Variants in CDH2 observed in about 807,000 individuals in gnomAD.
The protein encoded by CDH2 is cadherin-2.
In CDH2, 17 loss-of-function variants were observed where a neutral mutation model predicts 92.0. The observed-to-expected ratio is 0.18, with a 90% confidence interval of 0.13 to 0.28. The LOEUF is 0.28. Ranked by LOEUF, CDH2 falls within the 10% of genes least tolerant of loss-of-function variation. The pLI is 1.00. For synonymous variants in CDH2, 419 were observed against 415.9 expected (o/e 1.01, Z -0.09); for missense variants, 862 against 1,133.1 (o/e 0.76, Z 3.44).
At chr18:27,937,103 G>T (rs771104138) in intron 6 of CDH2, among the ~76,000 whole-genome samples, 5 of 151,918 alleles carry the variant, frequency 3.3e-5, no homozygotes, top group Non-Finnish European at 7.4e-5. Flanking sequence ...TCTCTTTTCT[G>T]GGAACATTAA....
intron 2 of CDH2, among the ~76,000 whole-genome samples, chr18:28,127,383 A>G (rs1598493504): frequency 6.6e-6 from 1 of 152,122 alleles, no homozygotes; most frequent in Non-Finnish European, 1.5e-5. Flanking sequence ...AAATTTTCCA[A>G]TTCTGTTAGC....
intron 15 of CDH2, among the ~76,000 whole-genome samples, chr18:27,956,685 G>T (rs371578141): frequency 3.3e-5 from 5 of 152,082 alleles, no homozygotes; most frequent in African/African-American, 1.2e-4. Flanking sequence ...TATCACTCCC[G>T]CAAGTAAGAC....
chr18:28,032,328 G>C (rs1308835143), intron 2 of CDH2, among the ~76,000 whole-genome samples: 1 of 152,102 alleles, frequency 6.6e-6, no homozygotes, highest in Non-Finnish European at 1.5e-5. Flanking sequence ...TGTGGGCTCA[G>C]CATCTGAACC....
chr18:28,097,745 C>T (rs1439097333), intron 2 of CDH2, among the ~76,000 whole-genome samples: 1 of 152,078 alleles, frequency 6.6e-6, no homozygotes, highest in Non-Finnish European at 1.5e-5. Context: ...TGGAACCAAT[C>T]CTCTGAGAAT....
chr18:27,948,957 C>T (rs1188361651), downstream of CDH2, among the ~76,000 whole-genome samples: 3 of 151,682 alleles, frequency 2.0e-5, no homozygotes, highest in Non-Finnish European at 4.4e-5. Flanking sequence ...TTTTTATTAG[C>T]AATATTGCAG....
At chr18:28,098,877 A>C (rs1223308256) in intron 2 of CDH2, among the ~76,000 whole-genome samples, 1 of 152,128 alleles carries the variant, frequency 6.6e-6, no homozygotes, top group Non-Finnish European at 1.5e-5. Flanking sequence ...TGCTATGTAC[A>C]TTAATTGGGG....
At chr18:28,053,976 C>T (rs989212346) in intron 2 of CDH2, among the ~76,000 whole-genome samples, 2 of 152,050 alleles carry the variant, frequency 1.3e-5, no homozygotes, top group African/African-American at 4.8e-5. Context: ...GTTTCTGAAT[C>T]CAGGGTTAGT....
At chr18:28,089,115 C>A (rs1233039148) in intron 2 of CDH2, among the ~76,000 whole-genome samples, 1 of 152,114 alleles carries the variant, frequency 6.6e-6, no homozygotes, top group African/African-American at 2.4e-5. Context: ...AGTACGTCTC[C>A]TTTACATGTC....
intron 2 of CDH2, among the ~76,000 whole-genome samples, chr18:28,127,390 T>G (rs1283640606): frequency 6.6e-6 from 1 of 152,172 alleles, no homozygotes; most frequent in Non-Finnish European, 1.5e-5. Context: ...CCAATTCTGT[T>G]AGCCATAGTG....
At chr18:27,962,749 TAATA>T (rs1029843376) in intron 15 of CDH2, among the ~76,000 whole-genome samples, 2 of 152,252 alleles carry the variant, frequency 1.3e-5, no homozygotes, top group Non-Finnish European at 2.9e-5. Context: ...TCTTGGTCAG[TAATA>T]AAGAATGTCA....
At chr18:28,008,046 T>C (rs2144024329) in intron 5 of CDH2, among the ~76,000 whole-genome samples, 1 of 152,276 alleles carries the variant, frequency 6.6e-6, no homozygotes, top group East Asian at 1.9e-4. Flanking sequence ...TATTGCTCTT[T>C]TAATGTGCAA....
At chr18:28,085,350 C>A (rs1189441006) in intron 2 of CDH2, among the ~76,000 whole-genome samples, 1 of 152,080 alleles carries the variant, frequency 6.6e-6, no homozygotes, top group Non-Finnish European at 1.5e-5. Context: ...TGAGAAAAGA[C>A]ACTTCCCTAG....
intron 1 of CDH2, among the ~76,000 whole-genome samples, chr18:28,163,515 T>C (rs980773453): frequency 9.8e-5 from 15 of 152,312 alleles, no homozygotes; most frequent in African/African-American, 3.4e-4. Flanking sequence ...CATATAAAGT[T>C]TGGGGAACAC....
In CDH2 at chr18:27,999,673, T is replaced by C. The variant is rs868622053; in HGVS notation, c.1020+3324A>G. The stretch of plus-strand genomic sequence containing the variant: ...TTAAATTTATATATATATACATATA[T>C]ACATATATATATGTGTGTGTGTGTA... On this transcript the variant is annotated intron_variant, in intron 7 of 15. Coordinates refer to ENST00000269141, the MANE Select transcript of CDH2 (RefSeq NM_001792.5). 3.3e-5 allele frequency among the ~76,000 whole-genome samples: 5 copies of C among 150,908 alleles called. No homozygotes were observed. The South Asian group carries it at 1.0e-3, about 31-fold the overall frequency.
chr18:28,098,604 T>C (rs1448567082), intron 2 of CDH2, among the ~76,000 whole-genome samples: 1 of 152,120 alleles, frequency 6.6e-6, no homozygotes, highest in African/African-American at 2.4e-5. Flanking sequence ...GTGAGGCACA[T>C]CCAGCCTTCC....
At chr18:27,979,177 G>A (rs551597930) in intron 14 of CDH2, among the ~76,000 whole-genome samples, 7 of 152,050 alleles carry the variant, frequency 4.6e-5, no homozygotes, top group South Asian at 2.1e-4. Flanking sequence ...AAAAAGACAG[G>A]CAACCCAATA....
In CDH2 at chr18:27,955,761, GT is replaced by G. The variant is rs5823568; in HGVS notation, c.2515-3403del. On this transcript the variant is annotated intron_variant, in intron 15 of 15. Transcript: ENST00000269141. ...ACAAATCTCTGTTTTCTTTATTTCT[GT>G]TTTTTTTTTTTTTTTTTTAAAGAGG... Among the ~76,000 whole-genome samples the G allele has an allele frequency of 9.2e-4, 103 of 111,710 alleles. 1 individual carries two copies. The highest frequency in any genetic ancestry group is 3.5e-3 in the African/African-American group (97 of 28,110). The allele number at this position is 111,710 out of a possible 152,430, so 73.3% of individuals were successfully genotyped here.
chr18:28,089,182 A>G (rs1044506543), intron 2 of CDH2, among the ~76,000 whole-genome samples: 18 of 152,144 alleles, frequency 1.2e-4, no homozygotes, highest in Non-Finnish European at 2.1e-4. Context: ...ATATACAGAA[A>G]CTTCAGAAAA....
At chr18:28,025,627 CAT>C (rs1222592489) in intron 2 of CDH2, among the ~76,000 whole-genome samples, 1 of 151,200 alleles carries the variant, frequency 6.6e-6, no homozygotes, top group East Asian at 1.9e-4. Context: ...TTAATTGACA[CAT>C]AATTATACAT....
Sources: gnomAD v4.1 joint callset for allele counts (sites outside exome capture counted in the v4.1 genomes callset) on GRCh38, gnomAD v4.1.1 for gene constraint, MANE v1.5 for transcripts, NCBI Gene and HGNC (gene_info 2026-07-23, HGNC 2026-07-21) for gene names.